The following MGRN1 variants were observed in gnomAD, a reference collection of about 807,000 sequenced individuals.
The protein encoded by MGRN1 is mahogunin ring finger 1.
A neutral mutation model predicts 69.2 loss-of-function variants in MGRN1; 29 were observed. The observed-to-expected ratio is 0.42, with a 90% CI of 0.31 to 0.57. MGRN1 has a LOEUF of 0.57. Among genes scored for constraint, MGRN1 ranks in the 20% least tolerant of loss-of-function variants. The pLI is 0.15. For synonymous variants in MGRN1, 470 were observed against 344.2 expected, an observed-to-expected ratio of 1.37 and a Z score of -4.04; for missense variants, 998 against 796.2, an observed-to-expected ratio of 1.25 and a Z score of -3.05.
chr16:4,678,136 C>T (rs957765462), intron 11 of MGRN1, among the ~76,000 whole-genome samples: 6 of 152,204 alleles, frequency 3.9e-5, no homozygotes, highest in African/African-American at 1.2e-4. Context: ...CCTGAGCCAC[C>T]GCCTCCACCC....
chr16:4,642,751 G>T (rs1567180170), intron 1 of MGRN1, among the ~76,000 whole-genome samples: 1 of 151,960 alleles, frequency 6.6e-6, no homozygotes. Context: ...ACAGGGGTGA[G>T]CACCGTGCCT....
chr16:4,656,963 A>G (rs1282466457), intron 4 of MGRN1, among the ~76,000 whole-genome samples: 2 of 152,214 alleles, frequency 1.3e-5, no homozygotes, highest in Non-Finnish European at 2.9e-5. Context: ...AAGGAAAAGC[A>G]CAGCTACACT....
chr16:4,651,481 G>T (rs552263115), intron 2 of MGRN1, among the ~76,000 whole-genome samples: 76 of 152,342 alleles, frequency 5.0e-4, no homozygotes, highest in African/African-American at 1.8e-3. Context: ...GAAGAAGCTA[G>T]AAGGCAGGGG....
At chr16:4,684,396 C>G (rs1195130694) in intron 16 of MGRN1, among the ~76,000 whole-genome samples, 1 of 152,230 alleles carries the variant, frequency 6.6e-6, no homozygotes, top group East Asian at 1.9e-4. Flanking sequence ...GAGCTGCAGA[C>G]AGAGCAGGAG....
At chr16:4,642,466 T>TTGTGTG (rs143119735) in intron 1 of MGRN1, among the ~76,000 whole-genome samples, 5,141 of 141,772 alleles carry the variant, frequency 0.036, 315 homozygotes, top group African/African-American at 0.13. Flanking sequence ...GCCAGCTAAT[T>TTGTGTG]TGTGTGTGTG....
chr16:4,658,580 G>A (rs1160523849), intron 5 of MGRN1, among the ~76,000 whole-genome samples: 1 of 151,916 alleles, frequency 6.6e-6, no homozygotes, highest in East Asian at 1.9e-4. Flanking sequence ...CCAGGTCTGA[G>A]GCCAGGAGGA....
intron 8 of MGRN1, among the ~76,000 whole-genome samples, chr16:4,669,492 T>C (rs189302248): frequency 6.3e-4 from 95 of 150,132 alleles, no homozygotes; most frequent in African/African-American, 1.3e-3. Context: ...CTCTAAGCTC[T>C]GGGACGACGG....
intron 4 of MGRN1, among the ~76,000 whole-genome samples, chr16:4,656,438 G>T (rs189613220): frequency 8.5e-5 from 13 of 152,222 alleles, no homozygotes; most frequent in Admixed American, 7.2e-4. Flanking sequence ...AGAGAGACCC[G>T]CGCTGCATGT....
At chr16:4,648,609 C>G (rs1448194709) in intron 1 of MGRN1, among the ~76,000 whole-genome samples, 1 of 100,150 alleles carries the variant, frequency 1.0e-5, no homozygotes, top group Non-Finnish European at 1.9e-5. Context: ...TTCCCGTGGT[C>G]ACCCGGGTCC....
chr16:4,646,869 G>C (rs934720524), intron 1 of MGRN1, among the ~76,000 whole-genome samples: 1 of 152,226 alleles, frequency 6.6e-6, no homozygotes, highest in African/African-American at 2.4e-5. Flanking sequence ...TTCTGGACCA[G>C]GGACCTGTCT....
rs2079440888 is a variant in MGRN1, at chr16:4,690,784, A to ACCGCCCG, written c.*1879_*1885dup. On this transcript the variant is annotated 3_prime_UTR_variant, in exon 17 of 17. Coordinates refer to ENST00000262370, the MANE Select transcript of MGRN1 (RefSeq NM_015246.4). ...CCCAACAACACACACAGCCCCCTGC[A>ACCGCCCG]CCGCCCGCCCCCCGCCCCCACCAAG... 4.1e-5 allele frequency: 2 copies of ACCGCCCG among 49,270 alleles called. No homozygotes were observed. Among genetic ancestry groups the ACCGCCCG allele is most frequent in the Admixed American group, 2.3e-4 (1 of 4,306 alleles). The allele number at this position is 49,270 out of a possible 1,614,324, so 3.1% of individuals were successfully genotyped here.
chr16:4,652,353 C>T (rs903584033), intron 3 of MGRN1, among the ~76,000 whole-genome samples: 2 of 152,060 alleles, frequency 1.3e-5, no homozygotes, highest in African/African-American at 4.8e-5. Context: ...CTGCCATGCA[C>T]AGGACGGCCC....
chr16:4,645,430 A>G (rs1486368266), intron 1 of MGRN1, among the ~76,000 whole-genome samples: 1 of 152,092 alleles, frequency 6.6e-6, no homozygotes, highest in Non-Finnish European at 1.5e-5. Context: ...TGATCTTCCA[A>G]AGCGCCCAGG....
At chr16:4,626,798 C>T (rs1897700344) in intron 1 of MGRN1, among the ~76,000 whole-genome samples, 1 of 152,224 alleles carries the variant, frequency 6.6e-6, no homozygotes, top group South Asian at 2.1e-4. Flanking sequence ...CACTGAGCAT[C>T]CATCGCAGAA....
chr16:4,668,688 G>A (rs984583199), intron 8 of MGRN1, among the ~76,000 whole-genome samples: 9 of 149,438 alleles, frequency 6.0e-5, no homozygotes, highest in African/African-American at 7.5e-5. Flanking sequence ...AGACACACTC[G>A]TACACATACA....
At chr16:4,684,173 C>G (rs2079254103) in intron 16 of MGRN1, among the ~76,000 whole-genome samples, 1 of 152,258 alleles carries the variant, frequency 6.6e-6, no homozygotes. Context: ...ACCAAAGCCC[C>G]TTCCCTCCCT....
intron 1 of MGRN1, 137 bp downstream of exon 1, chr16:4,625,185 G>A: frequency 3.8e-6 from 3 of 798,720 alleles, no homozygotes; most frequent in Non-Finnish European, 3.5e-6. Context: ...GCCTTCGCGC[G>A]GCCCCACGGC....
rs186197469 is a variant in MGRN1, at chr16:4,636,987, C to T, written c.88+11939C>T. ...ACAAACAATTAGCAGGGCACGGTGGCGTGCGCCTGTAGTCCCAGCTACTTG... is the reference window on the plus strand; with the variant it reads ...ACAAACAATTAGCAGGGCACGGTGGTGTGCGCCTGTAGTCCCAGCTACTTG... On this transcript the variant is annotated intron_variant, in intron 1 of 16. Coordinates refer to ENST00000262370, the MANE Select transcript of MGRN1 (RefSeq NM_015246.4). Among the ~76,000 whole-genome samples, 49 of 151,780 alleles carry T rather than the reference C, an allele frequency of 3.2e-4. 2 individuals are homozygous for T. The East Asian group carries it at 8.9e-3, about 28-fold the overall frequency.
rs79279939 is a variant in MGRN1, at chr16:4,664,346, G to T, written c.562-363G>T. 806 of 312,730 alleles carry T rather than the reference G, an allele frequency of 2.6e-3. 4 individuals are homozygous for T. Among genetic ancestry groups the T allele is most frequent in the African/African-American group, 0.016 (762 of 46,960 alleles). 19.4% of individuals were successfully genotyped at this position (312,730 alleles called of 1,614,324 possible). On this transcript the variant is annotated intron_variant, in intron 5 of 16. Coordinates refer to ENST00000262370, the MANE Select transcript of MGRN1 (RefSeq NM_015246.4). ...AGACAGGAAGCACATGGTGGCTGCC[G>T]GGGGCTGGAGGAGGGGATGGGGAGT... is the stretch of plus-strand genomic sequence containing the variant.
Sources: allele counts gnomAD v4.1 joint callset (sites outside exome capture counted in the v4.1 genomes callset), GRCh38; gene constraint gnomAD v4.1.1; transcripts MANE v1.5; gene names NCBI Gene and HGNC (gene_info 2026-07-23, HGNC 2026-07-21).